RPH3AL: variants seen among roughly 807,000 people sequenced by gnomAD.
RPH3AL encodes rabphilin 3A like (without C2 domains), also known as rab effector Noc2.
A neutral mutation model predicts 43.1 loss-of-function variants in RPH3AL; 38 were observed. The ratio of observed to expected loss-of-function variants is 0.88; its 90% CI spans 0.68 to 1.15. The LOEUF is 1.15. RPH3AL is among the 50% of genes most tolerant of loss of function. RPH3AL has a pLI of 0.00. For synonymous variants in RPH3AL, 189 were observed against 176.3 expected (o/e 1.07, Z -0.57); for missense variants, 462 against 423.2 (o/e 1.09, Z -0.81).
At chr17:288,619 CCT>C (rs201557217) in intron 5 of RPH3AL, among the ~76,000 whole-genome samples, 21 of 3,874 alleles carry the variant, frequency 5.4e-3, no homozygotes, top group Non-Finnish European at 0.011. Flanking sequence ...GACCTCGCAC[CCT>C]CTCTCTCCAC....
At chr17:271,685 T>C (rs1167650468) in intron 6 of RPH3AL, among the ~76,000 whole-genome samples, 1 of 152,226 alleles carries the variant, frequency 6.6e-6, no homozygotes, top group Admixed American at 6.5e-5. Context: ...CAACAGGGTT[T>C]TCTAGATATA....
Position 225,618 on chromosome 17 carries a change from C to T in RPH3AL, c.614-5882G>A, listed in dbSNP as rs2041090382. On this transcript the variant is annotated intron_variant, in intron 7 of 9. Transcript: ENST00000331302. The surrounding 1 kb of genome is among the most constrained non-coding windows in gnomAD (Gnocchi z 4.4). Reference sequence around the variant, plus strand: ...CACTTCCCGGGAGCAGGGAGGTGTCCAGCAGGAGGACAGTCCTGCGGAGGG... The same window carrying T: ...CACTTCCCGGGAGCAGGGAGGTGTCTAGCAGGAGGACAGTCCTGCGGAGGG... 6.6e-6 allele frequency among the ~76,000 whole-genome samples: 1 copy of T among 152,146 alleles called. No individual in the cohort carries two copies. Among genetic ancestry groups the T allele is most frequent in the African/African-American group, 2.4e-5 (1 of 41,432 alleles).
chr17:262,630 G>A (rs909675570), intron 6 of RPH3AL, among the ~76,000 whole-genome samples: 13 of 152,314 alleles, frequency 8.5e-5, no homozygotes, highest in African/African-American at 2.9e-4. Flanking sequence ...TTCAAGGCCA[G>A]CCTGGCCAAG....
chr17:269,840 C>T (rs2042420210), intron 6 of RPH3AL, among the ~76,000 whole-genome samples: 1 of 152,204 alleles, frequency 6.6e-6, no homozygotes, highest in Admixed American at 6.5e-5. Flanking sequence ...CAGAGGCAAA[C>T]TTCTCCAGTG....
intron 6 of RPH3AL, among the ~76,000 whole-genome samples, chr17:273,791 G>A (rs1233571725): frequency 6.6e-6 from 1 of 152,262 alleles, no homozygotes; most frequent in Non-Finnish European, 1.5e-5. Context: ...GCCCGTGGCT[G>A]CCGGGTTATA....
At position 347,068 on chromosome 17, in the gene RPH3AL, C is replaced by G. The variant is rs1446599726; in HGVS notation, c.-213+5644G>C. Among the ~76,000 whole-genome samples, 5 of 134,478 alleles carry G rather than the reference C, an allele frequency of 3.7e-5. 1 individual carries two copies. The highest frequency in any genetic ancestry group is 1.3e-4 in the African/African-American group (5 of 39,234). 88.2% of individuals were successfully genotyped at this position (134,478 alleles called of 152,430 possible). ...GGTCAGGAGATCGAGACCATCCTGGCTAACATGGTGAAACCCCGTCTCTAC... is the reference window on the plus strand; with the variant it reads ...GGTCAGGAGATCGAGACCATCCTGGGTAACATGGTGAAACCCCGTCTCTAC... On this transcript the variant is annotated intron_variant, in intron 1 of 9. Coordinates refer to ENST00000331302, the MANE Select transcript of RPH3AL (RefSeq NM_006987.4).
At chr17:345,701 G>A (rs528966589) in intron 1 of RPH3AL, among the ~76,000 whole-genome samples, 4 of 118,362 alleles carry the variant, frequency 3.4e-5, no homozygotes, top group African/African-American at 5.5e-5. Context: ...TGGGGCACGC[G>A]TGCTCCCCAT....
intron 2 of RPH3AL, chr17:332,097 CGGA>C (rs2044786123): frequency 1.7e-5 from 6 of 354,456 alleles, no homozygotes; most frequent in South Asian, 1.1e-4. Flanking sequence ...GGGGAGAAGA[CGGA>C]GGAGATTTTG....
intron 5 of RPH3AL, among the ~76,000 whole-genome samples, chr17:300,285 AGCC>A (rs1390657620): frequency 2.5e-5 from 2 of 80,980 alleles, no homozygotes; most frequent in African/African-American, 1.2e-4. Flanking sequence ...GGGCTGGCCC[AGCC>A]TAGACCTGCA....
intron 6 of RPH3AL, among the ~76,000 whole-genome samples, chr17:272,967 T>A (rs141272866): frequency 0.089 from 4,380 of 49,162 alleles, 221 homozygotes; most frequent in African/African-American, 0.27. Context: ...TACGTCAGGG[T>A]GAGACCCCAG....
At chr17:288,537 CCT>C (rs761223957) in intron 5 of RPH3AL, among the ~76,000 whole-genome samples, 8 of 1,258 alleles carry the variant, frequency 6.4e-3, no homozygotes, top group Non-Finnish European at 8.9e-3. Flanking sequence ...GACCTCGCAC[CCT>C]CTCTCTCCAC....
rs978049796 is a variant in RPH3AL at position 212,877 on chromosome 17, T to G, written c.*975A>C. On this transcript the variant is annotated 3_prime_UTR_variant, in exon 10 of 10. Coordinates refer to ENST00000331302, the MANE Select transcript of RPH3AL (RefSeq NM_006987.4). ...GAACGCTGCTCTTCAGCAAGTGAGT[T>G]CATAGCATCCACCAGAGCTTCCCAG... 3 of 151,866 alleles carry G rather than the reference T, an allele frequency of 2.0e-5. No individual in the cohort carries two copies. The highest frequency in any genetic ancestry group is 7.3e-5 in the African/African-American group (3 of 41,350). 9.4% of individuals were successfully genotyped at this position (151,866 alleles called of 1,614,324 possible). A position where few individuals can be genotyped will look rare whatever the true frequency, so the allele number is the denominator to read the frequency against.
chr17:213,577 T>C lies in RPH3AL; in HGVS notation c.*275A>G, dbSNP rs2040721309. On this transcript the variant is annotated 3_prime_UTR_variant, in exon 10 of 10. Transcript: ENST00000331302. ...CAAGACACGCGCAAACTTAAAATCATCACCAGGTAGATTGGGGGTGTGGGA... is the reference window on the plus strand; with the variant it reads ...CAAGACACGCGCAAACTTAAAATCACCACCAGGTAGATTGGGGGTGTGGGA... 1.8e-6 allele frequency: 1 copy of C among 549,770 alleles called. No individual in the cohort carries two copies. The highest frequency in any genetic ancestry group is 3.3e-6 in the Non-Finnish European group (1 of 305,872). The allele number at this position is 549,770 out of a possible 1,614,324, so 34.1% of individuals were successfully genotyped here.
At chr17:291,114 G>A (rs756152989) in intron 5 of RPH3AL, among the ~76,000 whole-genome samples, 3 of 152,216 alleles carry the variant, frequency 2.0e-5, no homozygotes, top group African/African-American at 4.8e-5. Flanking sequence ...TGGTTTAAAC[G>A]TGTGGAGCTT....
intron 5 of RPH3AL, among the ~76,000 whole-genome samples, chr17:301,954 G>A (rs1341508212): frequency 6.6e-6 from 1 of 152,210 alleles, no homozygotes; most frequent in Non-Finnish European, 1.5e-5. Flanking sequence ...TGACATCATG[G>A]AAATGTCAGG....
chr17:302,792 A>G (rs2043361278), intron 5 of RPH3AL, among the ~76,000 whole-genome samples: 1 of 152,252 alleles, frequency 6.6e-6, no homozygotes, highest in African/African-American at 2.4e-5. Flanking sequence ...TCATGGGACG[A>G]TGTTTTTGAT....
At chr17:321,704 T>TTGC (rs1567521865) in intron 3 of RPH3AL, 30 of 369,910 alleles carry the variant, frequency 8.1e-5, no homozygotes, top group South Asian at 3.7e-4. Context: ...ACAAGGCACA[T>TTGC]GGGCAACAGA....
chr17:345,487 T>C (rs1276194679), intron 1 of RPH3AL, among the ~76,000 whole-genome samples: 1 of 133,882 alleles, frequency 7.5e-6, no homozygotes, highest in African/African-American at 2.6e-5. Flanking sequence ...TCCCTGGGGT[T>C]TCTACGCCTG....
chr17:346,961 G>A (rs1231726146), intron 1 of RPH3AL, among the ~76,000 whole-genome samples: 1 of 135,588 alleles, frequency 7.4e-6, no homozygotes, highest in Admixed American at 7.1e-5. Flanking sequence ...CTCAAACACT[G>A]TAAAATGGCC....
Sources: gnomAD v4.1 joint callset for allele counts (sites outside exome capture counted in the v4.1 genomes callset) on GRCh38, gnomAD v4.1.1 for gene constraint, Gnocchi (gnomAD v3.1) non-coding constraint, MANE v1.5 for transcripts, NCBI Gene and HGNC (gene_info 2026-07-23, HGNC 2026-07-21) for gene names.